ARHGEF3: variants seen among roughly 807,000 people sequenced by gnomAD.
ARHGEF3 encodes 59.8 kDA protein.
A neutral mutation model predicts 63.2 loss-of-function variants in ARHGEF3; 28 were observed. The ratio of observed to expected loss-of-function variants is 0.44; its 90% confidence interval spans 0.33 to 0.61. ARHGEF3 has a LOEUF of 0.61. ARHGEF3 is among the 20% of genes least tolerant of loss of function. ARHGEF3 has a pLI of 0.03. For missense variants in ARHGEF3, 533 were observed against 659.3 expected, an observed-to-expected ratio of 0.81 and a Z score of 2.10; for synonymous variants, 266 against 254.2, an observed-to-expected ratio of 1.05 and a Z score of -0.44.
chr3:56,786,126 G>C (rs1012847229), intron 1 of ARHGEF3, among the ~76,000 whole-genome samples: 5 of 152,136 alleles, frequency 3.3e-5, no homozygotes, highest in Non-Finnish European at 5.9e-5. Context: ...CACAGCACCC[G>C]GGTGTTTTAG....
chr3:57,064,138 G>A (rs540391075), intron 1 of ARHGEF3, among the ~76,000 whole-genome samples: 1 of 152,170 alleles, frequency 6.6e-6, no homozygotes, highest in East Asian at 1.9e-4. Flanking sequence ...GCATAGTGGT[G>A]CATGCCTGTA....
At chr3:56,879,250 C>T (rs891737312) in intron 4 of ARHGEF3, among the ~76,000 whole-genome samples, 11 of 152,214 alleles carry the variant, frequency 7.2e-5, no homozygotes, top group Admixed American at 2.0e-4. Context: ...CTGTCTTCCA[C>T]GAAACCGGCC....
chr3:56,937,658 A>G (rs912981812), intron 3 of ARHGEF3, among the ~76,000 whole-genome samples: 3 of 152,190 alleles, frequency 2.0e-5, no homozygotes, highest in African/African-American at 7.2e-5. Context: ...TAGAACAAGT[A>G]TTGTATATAC....
intron 4 of ARHGEF3, among the ~76,000 whole-genome samples, chr3:56,830,671 C>T (rs551949726): frequency 1.7e-3 from 260 of 152,274 alleles, no homozygotes; most frequent in Non-Finnish European, 2.6e-3. Flanking sequence ...TGGTGCTGTT[C>T]GCCTCTCAGC....
intron 3 of ARHGEF3, among the ~76,000 whole-genome samples, chr3:56,933,872 T>C (rs568161034): frequency 2.0e-5 from 3 of 152,286 alleles, no homozygotes; most frequent in East Asian, 3.9e-4. Flanking sequence ...TGGGAGGTGA[T>C]TGGATCATGG....
At chr3:56,812,753 A>G (rs910746305) in intron 4 of ARHGEF3, among the ~76,000 whole-genome samples, 1 of 152,348 alleles carries the variant, frequency 6.6e-6, no homozygotes, top group South Asian at 2.1e-4. Flanking sequence ...GCTGATGATA[A>G]ATTATAGACT....
intron 2 of ARHGEF3, among the ~76,000 whole-genome samples, chr3:56,974,572 A>G (rs909756775): frequency 1.3e-5 from 2 of 152,160 alleles, no homozygotes; most frequent in Non-Finnish European, 2.9e-5. Flanking sequence ...ATTTAAGAAA[A>G]TCAGTTTTCC....
intron 2 of ARHGEF3, among the ~76,000 whole-genome samples, chr3:56,967,058 T>G (rs1700529029): frequency 6.7e-6 from 1 of 149,082 alleles, no homozygotes; most frequent in Non-Finnish European, 1.5e-5. Context: ...AGACAGGATT[T>G]CTCCATGTTG....
chr3:56,854,132 T>C (rs2039782610), intron 4 of ARHGEF3, among the ~76,000 whole-genome samples: 1 of 151,866 alleles, frequency 6.6e-6, no homozygotes, highest in Admixed American at 6.6e-5. Flanking sequence ...GAGGCAGAGC[T>C]TACAGTGAGC....
chr3:56,868,361 G>GTTT (rs35860517), intron 4 of ARHGEF3, among the ~76,000 whole-genome samples: 217 of 140,582 alleles, frequency 1.5e-3, no homozygotes, highest in African/African-American at 5.3e-3. Context: ...TTTTTTGTTT[G>GTTT]TTTTTTTTTT....
chr3:56,804,702 C>T (rs1208762035), upstream of ARHGEF3, among the ~76,000 whole-genome samples: 1 of 152,178 alleles, frequency 6.6e-6, no homozygotes, highest in African/African-American at 2.4e-5. Context: ...GGAAAGAGCA[C>T]CTCAGAACCA....
chr3:56,784,590 T>C (rs987379647), intron 1 of ARHGEF3, among the ~76,000 whole-genome samples: 4 of 152,198 alleles, frequency 2.6e-5, no homozygotes, highest in Non-Finnish European at 4.4e-5. Context: ...TGTTTATCAC[T>C]GTAAAAGGGA....
At chr3:56,790,544 A>T (rs1578519076) in intron 1 of ARHGEF3, among the ~76,000 whole-genome samples, 1 of 152,206 alleles carries the variant, frequency 6.6e-6, no homozygotes, top group African/African-American at 2.4e-5. Context: ...CATGATATTG[A>T]TGAGCCACTT....
intron 1 of ARHGEF3, among the ~76,000 whole-genome samples, chr3:57,042,453 CA>C (rs1704225894): frequency 6.6e-6 from 1 of 151,576 alleles, no homozygotes; most frequent in South Asian, 2.1e-4. Context: ...GGATGAGAGC[CA>C]GCACATACTA....
chr3:56,826,402 C>G (rs75930623), intron 4 of ARHGEF3, among the ~76,000 whole-genome samples: 4,054 of 152,192 alleles, frequency 0.027, 71 homozygotes, highest in African/African-American at 0.043. Flanking sequence ...CTTTTTTGCA[C>G]TATTCAGGAT....
intron 1 of ARHGEF3, chr3:57,074,430 A>G: frequency 1.6e-6 from 1 of 631,938 alleles, no homozygotes; most frequent in Non-Finnish European, 2.8e-6. Context: ...CCTCCCTGTC[A>G]CACTTCCCCA....
intron 2 of ARHGEF3, among the ~76,000 whole-genome samples, chr3:56,991,323 G>C (rs1701737977): frequency 6.6e-6 from 1 of 151,832 alleles, no homozygotes; most frequent in Non-Finnish European, 1.5e-5. Flanking sequence ...TTTGTGTCAG[G>C]TACTATGCTA....
chr3:57,032,657 T>C (rs1193099141), intron 2 of ARHGEF3, among the ~76,000 whole-genome samples: 1 of 152,216 alleles, frequency 6.6e-6, no homozygotes, highest in African/African-American at 2.4e-5. Flanking sequence ...ACAGGCCAAG[T>C]GATCCACGCA....
chr3:56,857,070 T>A (rs1412816838), intron 4 of ARHGEF3, among the ~76,000 whole-genome samples: 2 of 151,744 alleles, frequency 1.3e-5, no homozygotes, highest in Admixed American at 6.6e-5. Flanking sequence ...AATAATTTTT[T>A]AAAATTTTTT....
Sources: gnomAD v4.1 joint callset for allele counts (sites outside exome capture counted in the v4.1 genomes callset) on GRCh38, gnomAD v4.1.1 for gene constraint, MANE v1.5 for transcripts, NCBI Gene and HGNC (gene_info 2026-07-23, HGNC 2026-07-21) for gene names.